Variants in EFR3B observed in about 807,000 individuals in gnomAD.
The protein encoded by EFR3B is EFR3 homolog B, also known as protein EFR3 homolog B.
In EFR3B, 64 loss-of-function variants were observed where a neutral mutation model predicts 104.7. That is an observed-to-expected ratio of 0.61 (90% CI 0.50 to 0.75). The LOEUF is 0.75. Ranked by LOEUF, EFR3B falls within the 30% of genes least tolerant of loss-of-function variation. EFR3B has a pLI of 0.00. For synonymous variants in EFR3B, 385 were observed against 417.9 expected, an observed-to-expected ratio of 0.92 and a Z score of 0.96; for missense variants, 750 against 1,078.5, an observed-to-expected ratio of 0.70 and a Z score of 4.27.
Position 25,135,527 on chromosome 2 carries a change from C to T in EFR3B, c.1372C>T (p.Arg458Cys), listed in dbSNP as rs187995146. 1.7e-5 allele frequency: 26 copies of T among 1,551,850 alleles called. No individual in the cohort carries two copies. Among genetic ancestry groups the T allele is most frequent in the East Asian group, 4.9e-5 (2 of 40,916 alleles). The change falls in exon 13 of 23, where the codon CGC becomes TGC. Residue 458 changes from arginine (R) to cysteine (C), a missense_variant. Physicochemically the swap from Arg to Cys is radical, Grantham distance 180 (BLOSUM62 -3). Transcript: ENST00000403714. ...AGCCCTGCCTAGCAACTTCCTGGAC[C>T]GCCTTCTCTCCACCGCCCTCATGGA... Reference protein sequence around the residue: ...MSALPSNFLDRLLSTALMEDA... With the variant: ...MSALPSNFLDCLLSTALMEDA...
chr2:25,143,964 G>A, intron 18 of EFR3B, 102 bp downstream of exon 18: 1 of 1,427,062 alleles, frequency 7.0e-7, no homozygotes, highest in Admixed American at 2.6e-5. Context: ...TGCCTGTGAG[G>A]CACCTTGGAT....
In EFR3B at chr2:25,131,274, A is replaced by G; in HGVS notation, c.850-94A>G. 6.8e-7 allele frequency: 1 copy of G among 1,478,554 alleles called. No individual in the cohort carries two copies. Among genetic ancestry groups the G allele is most frequent in the Non-Finnish European group, 9.0e-7 (1 of 1,106,490 alleles). 91.6% of individuals were successfully genotyped at this position (1,478,554 alleles called of 1,614,324 possible). On this transcript the variant is annotated intron_variant, in intron 8 of 22. Coordinates refer to ENST00000403714, the MANE Select transcript of EFR3B (RefSeq NM_014971.2). This position sits in a 1 kb window ranked among gnomAD's most constrained non-coding sequence, Gnocchi z 7.6. ...GCCCGGGGCCTTGGAACGTCCCTTTAGTTTACCCCCGCCTTTGGGTGCCAG... is the reference window on the plus strand; with the variant it reads ...GCCCGGGGCCTTGGAACGTCCCTTTGGTTTACCCCCGCCTTTGGGTGCCAG...
chr2:25,106,170 C>T (rs1350503191), intron 4 of EFR3B, among the ~76,000 whole-genome samples: 1 of 152,192 alleles, frequency 6.6e-6, no homozygotes, highest in Non-Finnish European at 1.5e-5. Flanking sequence ...TAGAGTCTAG[C>T]CCGGGAGTTC....
chr2:25,133,545 T>C, intron 12 of EFR3B, 111 bp downstream of exon 12: 5 of 1,154,894 alleles, frequency 4.3e-6, no homozygotes, highest in Non-Finnish European at 6.3e-6. Context: ...ACTGCACAAA[T>C]ACACCCAGTC....
chr2:25,099,511 A>T (rs1669373667), intron 3 of EFR3B, among the ~76,000 whole-genome samples: 1 of 151,492 alleles, frequency 6.6e-6, no homozygotes, highest in South Asian at 2.1e-4. Flanking sequence ...ATCATTTAAT[A>T]AAAGTTGACG....
intron 1 of EFR3B, among the ~76,000 whole-genome samples, chr2:25,049,936 G>A (rs375530573): frequency 7.8e-5 from 11 of 140,470 alleles, no homozygotes; most frequent in African/African-American, 3.0e-4. Flanking sequence ...CCAACATTGT[G>A]AAACGACATT....
chr2:25,072,469 A>G (rs1454467969), intron 1 of EFR3B, among the ~76,000 whole-genome samples: 1 of 151,966 alleles, frequency 6.6e-6, no homozygotes, highest in Non-Finnish European at 1.5e-5. Context: ...TTTGGTAGAG[A>G]CAGAATTTCA....
intron 1 of EFR3B, among the ~76,000 whole-genome samples, chr2:25,063,994 G>A (rs1668266554): frequency 1.3e-5 from 2 of 152,164 alleles, no homozygotes; most frequent in Non-Finnish European, 2.9e-5. Context: ...ATTAAGAGTG[G>A]GTCTTGGCTC....
chr2:25,104,341 C>A (rs1382198855), intron 4 of EFR3B, among the ~76,000 whole-genome samples: 1 of 152,172 alleles, frequency 6.6e-6, no homozygotes, highest in African/African-American at 2.4e-5. Context: ...TGCACTCCAA[C>A]CTGGGTGACA....
chr2:25,094,477 G>A (rs1471287484), intron 3 of EFR3B, among the ~76,000 whole-genome samples: 1 of 152,096 alleles, frequency 6.6e-6, no homozygotes, highest in Admixed American at 6.6e-5. Flanking sequence ...TTACAGGAGA[G>A]GAGAGAGAGC....
chr2:25,056,466 A>G (rs1179387711), intron 1 of EFR3B, among the ~76,000 whole-genome samples: 1 of 146,164 alleles, frequency 6.8e-6, no homozygotes, highest in Non-Finnish European at 1.5e-5. Context: ...AACAAGAATG[A>G]TGAAAAGGCC....
At chr2:25,123,225 C>T (rs1489046075) in intron 5 of EFR3B, among the ~76,000 whole-genome samples, 4 of 151,874 alleles carry the variant, frequency 2.6e-5, no homozygotes, top group Non-Finnish European at 4.4e-5. Context: ...CTGGGCATGA[C>T]TGCACGTGCC....
At chr2:25,055,650 C>T (rs1341547111) in intron 1 of EFR3B, among the ~76,000 whole-genome samples, 4 of 152,198 alleles carry the variant, frequency 2.6e-5, no homozygotes, top group African/African-American at 4.8e-5. Context: ...ACTGTTTGTA[C>T]ATTGCATGAA....
chr2:25,115,794 G>A (rs1002004718), intron 4 of EFR3B, among the ~76,000 whole-genome samples: 3 of 152,246 alleles, frequency 2.0e-5, no homozygotes, highest in Non-Finnish European at 2.9e-5. Context: ...TAACACTGAC[G>A]TGTTAAGCAG....
intron 22 of EFR3B, 31 bp downstream of exon 22, chr2:25,153,792 A>G: frequency 6.5e-7 from 1 of 1,549,210 alleles, no homozygotes; most frequent in Non-Finnish European, 8.7e-7. Flanking sequence ...GGGGACCCTG[A>G]CCTCCGTGGC....
Position 25,154,573 on chromosome 2 carries a change from T to G in EFR3B, c.*233T>G. 1 of 492,702 alleles carries G rather than the reference T, an allele frequency of 2.0e-6. No homozygotes were observed. The highest frequency in any genetic ancestry group is 3.6e-6 in the Non-Finnish European group (1 of 279,484). 30.5% of individuals were successfully genotyped at this position (492,702 alleles called of 1,614,324 possible). The stretch of plus-strand genomic sequence containing the variant: ...AATCAGCATCTCACCTGTGCCCTCT[T>G]TGTCTTCTCTTGTGTCAGCCAGGGG... On this transcript the variant is annotated 3_prime_UTR_variant, in exon 23 of 23. Transcript: ENST00000403714. The surrounding 1 kb of genome is among the most constrained non-coding windows in gnomAD (Gnocchi z 4.1).
intron 1 of EFR3B, among the ~76,000 whole-genome samples, chr2:25,062,540 G>T (rs896407452): frequency 2.0e-5 from 3 of 152,230 alleles, no homozygotes; most frequent in Admixed American, 2.0e-4. Context: ...ACTAGGAGAC[G>T]GACGGTCAAG....
At chr2:25,065,378 A>G (rs1476331590) in intron 1 of EFR3B, among the ~76,000 whole-genome samples, 21 of 131,190 alleles carry the variant, frequency 1.6e-4, no homozygotes, top group African/African-American at 6.1e-4. Context: ...TTTGGTTCAG[A>G]TGAGTTCTCA....
intron 1 of EFR3B, among the ~76,000 whole-genome samples, chr2:25,049,345 G>T (rs1667804747): frequency 6.6e-6 from 1 of 152,146 alleles, no homozygotes; most frequent in Admixed American, 6.5e-5. Context: ...TCTGCTCTGT[G>T]TTTGGAAGGG....
Sources: gnomAD v4.1 joint callset for allele counts (sites outside exome capture counted in the v4.1 genomes callset) on GRCh38, gnomAD v4.1.1 for gene constraint, Gnocchi (gnomAD v3.1) non-coding constraint, MANE v1.5 for transcripts, NCBI Gene and HGNC (gene_info 2026-07-23, HGNC 2026-07-21) for gene names.